ADGRV1: variants seen among roughly 807,000 people sequenced by gnomAD.
The protein encoded by ADGRV1 is G-protein coupled receptor 98.
In ADGRV1, 359 loss-of-function variants were observed where a neutral mutation model predicts 596.2. That is an observed-to-expected ratio of 0.60 (90% CI 0.55 to 0.66). ADGRV1 has a LOEUF of 0.66. Ranked by LOEUF, ADGRV1 falls within the 30% of genes least tolerant of loss-of-function variation. The pLI, the probability that ADGRV1 is intolerant of heterozygous loss-of-function variation, is 0.00. For synonymous variants in ADGRV1, 2,681 were observed against 2,679.2 expected, an observed-to-expected ratio of 1.00 and a Z score of -0.02; for missense variants, 7,274 against 7,575.6, an observed-to-expected ratio of 0.96 and a Z score of 1.48.
intron 87 of ADGRV1, among the ~76,000 whole-genome samples, chr5:91,115,168 C>G (rs1792741600): frequency 6.6e-6 from 1 of 152,108 alleles, no homozygotes; most frequent in Non-Finnish European, 1.5e-5. Context: ...TGGTTTTGTT[C>G]ATGCTCCTAT....
intron 87 of ADGRV1, among the ~76,000 whole-genome samples, chr5:91,145,342 T>C (rs1008531960): frequency 1.3e-5 from 2 of 152,266 alleles, no homozygotes; most frequent in South Asian, 2.1e-4. Context: ...TTTTAAAGCA[T>C]GGATTTTGTT....
At chr5:90,605,459 TAGATC>T (rs1761999437) in intron 1 of ADGRV1, among the ~76,000 whole-genome samples, 1 of 151,818 alleles carries the variant, frequency 6.6e-6, no homozygotes, top group African/African-American at 2.4e-5. Context: ...CTTTGTGTAT[TAGATC>T]AGATATTTAC....
chr5:90,896,802 C>T (rs1408482934), intron 83 of ADGRV1, among the ~76,000 whole-genome samples: 4 of 152,176 alleles, frequency 2.6e-5, no homozygotes, highest in African/African-American at 9.7e-5. Context: ...TATGATCTCT[C>T]ATGAAAAAGA....
chr5:91,094,461 T>TAAAAA (rs533784886), intron 86 of ADGRV1, among the ~76,000 whole-genome samples: 1 of 129,168 alleles, frequency 7.7e-6, no homozygotes, highest in African/African-American at 2.8e-5. Flanking sequence ...TCCTTCTATG[T>TAAAAA]AAAAAAAAAA....
At chr5:90,992,246 C>T (rs1326889789) in intron 85 of ADGRV1, among the ~76,000 whole-genome samples, 3 of 152,184 alleles carry the variant, frequency 2.0e-5, no homozygotes, top group Non-Finnish European at 4.4e-5. Flanking sequence ...CTGTTAACTC[C>T]TTCAAATTTT....
Position 90,633,903 on chromosome 5 carries a change from C to G in ADGRV1, c.1840-1211C>G, listed in dbSNP as rs574158938. On this transcript the variant is annotated intron_variant, in intron 9 of 89. Transcript: ENST00000405460. Reference sequence around the variant, plus strand: ...GTGTGACATTTAAAAAAGACATTTACTTTTACTATTAAAATGTACTATCCA... The same window carrying G: ...GTGTGACATTTAAAAAAGACATTTAGTTTTACTATTAAAATGTACTATCCA... 2.0e-5 allele frequency among the ~76,000 whole-genome samples: 3 copies of G among 152,094 alleles called. No individual in the cohort carries two copies. The South Asian group carries it at 6.2e-4, about 32-fold the overall frequency.
chr5:90,920,430 G>C (rs1031041878), intron 83 of ADGRV1, among the ~76,000 whole-genome samples: 2 of 151,962 alleles, frequency 1.3e-5, no homozygotes. Context: ...ATGGTTTACT[G>C]GCTTCCTAAA....
Position 90,711,320 on chromosome 5 carries a change from A to G in ADGRV1, c.9040A>G (p.Met3014Val), listed in dbSNP as rs373709845. 3.8e-6 allele frequency: 6 copies of G among 1,598,192 alleles called. No individual in the cohort carries two copies. The highest frequency in any genetic ancestry group is 3.5e-5 in the Admixed American group (2 of 57,236). ...QVGLDYIFTP[M>V]ILHFADGERY... ...GGGGCTGGATTATATCTTCACCCCA[A>G]TGGTGGGTCTCAAAATCTATCACAG... Residue 3014 changes from methionine (M) to valine (V), a missense_variant and splice_region_variant, in exon 41 of 90, where the codon ATG (methionine) becomes GTG (valine). Physicochemically the swap from Met to Val is conservative, Grantham distance 21. Coordinates refer to ENST00000405460, the MANE Select transcript of ADGRV1 (RefSeq NM_032119.4).
At chr5:90,704,818 C>CT (rs138905827) in intron 36 of ADGRV1, among the ~76,000 whole-genome samples, 4,202 of 145,886 alleles carry the variant, frequency 0.029, 83 homozygotes, top group African/African-American at 0.067. Flanking sequence ...CAAATTTAGT[C>CT]TTTTTTTTTT....
chr5:90,616,671 G>A (rs1763405777), intron 2 of ADGRV1, among the ~76,000 whole-genome samples: 1 of 152,046 alleles, frequency 6.6e-6, no homozygotes, highest in Admixed American at 6.5e-5. Context: ...TAGGGGAATT[G>A]GGGAATATCC....
intron 35 of ADGRV1, 64 bp from the exon 36 acceptor site, chr5:90,704,325 T>C: frequency 4.2e-6 from 4 of 962,218 alleles, no homozygotes; most frequent in Non-Finnish European, 6.2e-6. Flanking sequence ...TGAATAAAAA[T>C]AAAGCAGGAG....
At chr5:90,634,471 A>G (rs1765887510) in intron 9 of ADGRV1, among the ~76,000 whole-genome samples, 1 of 152,232 alleles carries the variant, frequency 6.6e-6, no homozygotes, top group African/African-American at 2.4e-5. Context: ...CTGCAGGGAC[A>G]CTATATGTTA....
rs563797316 is a variant in ADGRV1 at position 91,092,364 on chromosome 5, G to T, written c.18311-9855G>T. Among the ~76,000 whole-genome samples the T allele has an allele frequency of 3.0e-4, 45 of 152,300 alleles. No homozygotes were observed. In the East Asian group the frequency reaches 8.1e-3, roughly 27 times the overall value. On this transcript the variant is annotated intron_variant, in intron 86 of 89. Transcript: ENST00000405460. ...TCCACCCGCCTCAGCCTCCTAAAGT[G>T]CTGGGATCACAGGTGTGAGCCACCA...
intron 85 of ADGRV1, among the ~76,000 whole-genome samples, chr5:91,006,307 C>T (rs1459073494): frequency 6.6e-6 from 1 of 151,936 alleles, no homozygotes; most frequent in East Asian, 1.9e-4. Context: ...GGAAAGCCAA[C>T]CATAAGAAAT....
chr5:90,750,541 A>C lies in ADGRV1; in HGVS notation c.10975-10A>C, dbSNP rs745809895. On this transcript the variant is annotated splice_polypyrimidine_tract_variant and intron_variant, in intron 52 of 89. Transcript: ENST00000405460. ...GGGAACCCCTTGTGACTTTCTGTGTATTTTTTCAGAATTCATTATATAAGC... is the reference window on the plus strand; with the variant it reads ...GGGAACCCCTTGTGACTTTCTGTGTCTTTTTTCAGAATTCATTATATAAGC... 1 of 1,589,766 alleles carries C rather than the reference A, an allele frequency of 6.3e-7. No individual in the cohort carries two copies. The highest frequency in any genetic ancestry group is 1.3e-5 in the African/African-American group (1 of 74,264).
chr5:90,576,884 C>T (rs962943711), intron 1 of ADGRV1, among the ~76,000 whole-genome samples: 1 of 152,182 alleles, frequency 6.6e-6, no homozygotes, highest in South Asian at 2.1e-4. Context: ...AGCATTTTTT[C>T]ATGTGTCTGT....
chr5:91,111,543 T>C (rs1792371866), intron 87 of ADGRV1, among the ~76,000 whole-genome samples: 1 of 152,216 alleles, frequency 6.6e-6, no homozygotes, highest in East Asian at 1.9e-4. Context: ...CTTGGCTGCT[T>C]CCTTTTGAGG....
At chr5:90,692,906 T>G (rs1442831679) in intron 32 of ADGRV1, 120 bp downstream of exon 32, 15 of 689,024 alleles carry the variant, frequency 2.2e-5, no homozygotes, top group Non-Finnish European at 3.2e-5. Context: ...ATAAATTATT[T>G]TATAGGTTAT....
chr5:90,580,641 A>G (rs1426274028), intron 1 of ADGRV1, among the ~76,000 whole-genome samples: 1 of 152,200 alleles, frequency 6.6e-6, no homozygotes, highest in African/African-American at 2.4e-5. Flanking sequence ...GTTTCTGCCG[A>G]GAGATCCGCT....
Sources: gnomAD v4.1 joint callset for allele counts (sites outside exome capture counted in the v4.1 genomes callset) on GRCh38, gnomAD v4.1.1 for gene constraint, MANE v1.5 for transcripts, NCBI Gene and HGNC (gene_info 2026-07-23, HGNC 2026-07-21) for gene names.